The following SPG11 variants were observed in gnomAD, a reference collection of about 807,000 sequenced individuals.
SPG11 encodes the protein SPG11 vesicle trafficking associated, spatacsin.
Under a neutral mutation model 274.0 loss-of-function variants are expected in SPG11, and 222 were observed. That is an observed-to-expected ratio of 0.81 (90% CI 0.73 to 0.91). SPG11 has a LOEUF of 0.91. Among genes scored for constraint, SPG11 ranks in the 40% least tolerant of loss-of-function variants. The probability of loss-of-function intolerance (pLI) is 0.00; values close to 1 mark genes in which losing one functional copy is unlikely to be tolerated. For missense variants in SPG11, 3,114 were observed against 2,872.7 expected (o/e 1.08, Z -1.92); for synonymous variants, 1,144 against 1,039.7 (o/e 1.10, Z -1.93).
chr15:44,587,718 A>AAAAAAAAAAAC (rs1567141736), intron 28 of SPG11, among the ~76,000 whole-genome samples: 4 of 148,638 alleles, frequency 2.7e-5, no homozygotes, highest in African/African-American at 1.0e-4. Context: ...AAAAAAAAAA[A>AAAAAAAAAAAC]AACGTATTCC....
chr15:44,604,130 C>T (rs936758714), intron 20 of SPG11: 11 of 444,178 alleles, frequency 2.5e-5, no homozygotes, highest in Non-Finnish European at 4.9e-5. Context: ...AAGTTCAAAG[C>T]TTATTTCTGA....
chr15:44,634,765 C>T (rs981838944), intron 7 of SPG11, among the ~76,000 whole-genome samples: 5 of 151,806 alleles, frequency 3.3e-5, no homozygotes, highest in Admixed American at 6.6e-5. Flanking sequence ...TTAACAGAAA[C>T]GGGGTTTCAC....
At chr15:44,570,087 C>T (rs2082389401) in intron 34 of SPG11, among the ~76,000 whole-genome samples, 1 of 152,236 alleles carries the variant, frequency 6.6e-6, no homozygotes, top group Non-Finnish European at 1.5e-5. Flanking sequence ...CACCACTACT[C>T]ATGACAGTGG....
intron 7 of SPG11, among the ~76,000 whole-genome samples, chr15:44,641,938 A>AAAAAAAAAAAAAAAAT (rs2084459527): frequency 6.6e-6 from 1 of 151,336 alleles, no homozygotes; most frequent in African/African-American, 2.4e-5. Flanking sequence ...AAAAAAAAAA[A>AAAAAAAAAAAAAAAAT]AAAAAAGGAA....
chr15:44,577,591 C>G (rs1382285163), intron 30 of SPG11, among the ~76,000 whole-genome samples: 9 of 151,904 alleles, frequency 5.9e-5, no homozygotes, highest in African/African-American at 2.2e-4. Context: ...TATTCCCCTG[C>G]TTAAATCCTT....
chr15:44,633,254 C>T (rs1355760910), intron 8 of SPG11, among the ~76,000 whole-genome samples: 2 of 132,922 alleles, frequency 1.5e-5, no homozygotes, highest in Non-Finnish European at 3.1e-5. Context: ...CTGCTTGAGT[C>T]CAGGAGGTGA....
intron 4 of SPG11, among the ~76,000 whole-genome samples, chr15:44,656,784 G>T (rs745933681): frequency 9.9e-5 from 15 of 152,234 alleles, no homozygotes; most frequent in Admixed American, 2.6e-4. Context: ...GAAAATTAGG[G>T]AAATAACATG....
rs766788316 is a variant in SPG11 at position 44,598,844 on chromosome 15, AGAAAG to A, written c.3687-13_3687-9del. 9 of 1,613,658 alleles carry A rather than the reference AGAAAG, an allele frequency of 5.6e-6. No individual in the cohort carries two copies. The East Asian group carries it at 2.0e-4, about 36-fold the overall frequency. ...TTGCCTACTTGCTGGATCCTGAAAA[AGAAAG>A]GAATCAAAATCACATCAGCACATGA... On this transcript the variant is annotated splice_polypyrimidine_tract_variant and intron_variant, in intron 21 of 39. Transcript: ENST00000261866.
chr15:44,572,663 G>C lies in SPG11; in HGVS notation c.6343+20C>G. 1 of 1,613,968 alleles carries C rather than the reference G, an allele frequency of 6.2e-7. No homozygotes were observed. The highest frequency in any genetic ancestry group is 8.5e-7 in the Non-Finnish European group (1 of 1,179,962). Reference sequence around the variant, plus strand: ...ACCTGTTTAGGGCCAAAATATGTAAGAAAAAGGTCAATAACTTACTGCAAG... The same window carrying C: ...ACCTGTTTAGGGCCAAAATATGTAACAAAAAGGTCAATAACTTACTGCAAG... On this transcript the variant is annotated intron_variant, in intron 33 of 39. Coordinates refer to ENST00000261866, the MANE Select transcript of SPG11 (RefSeq NM_025137.4).
intron 11 of SPG11, among the ~76,000 whole-genome samples, chr15:44,625,423 T>C (rs894413731): frequency 6.6e-6 from 1 of 152,020 alleles, no homozygotes; most frequent in Admixed American, 6.6e-5. Context: ...GGGGCGGATT[T>C]CCCCCTTGCT....
intron 21 of SPG11, chr15:44,600,243 A>G (rs2083150966): frequency 2.0e-6 from 1 of 505,002 alleles, no homozygotes. Flanking sequence ...CATGTAAAAC[A>G]TTATACAGAT....
Position 44,608,454 on chromosome 15 carries a change from T to G in SPG11, c.3443A>C (p.His1148Pro). ...SVLPSDITIY[H>P]LIQSLSPFDP... ...ACCTAAATACTGTACCTGAATAAGG[T>G]GGTAGATTGTAATATCAGATGGCAG... The change falls in exon 19 of 40, where the codon CAC becomes CCC. Residue 1148 changes from histidine to proline, a missense_variant. Physicochemically the swap from His to Pro is moderately conservative, Grantham distance 77 (BLOSUM62 -2). Transcript: ENST00000261866. The G allele has an allele frequency of 6.2e-7, 1 of 1,614,048 alleles. No homozygotes were observed.
chr15:44,628,762 A>C lies in SPG11; in HGVS notation c.1974T>G (p.Pro658=). 6.2e-7 allele frequency: 1 copy of C among 1,613,734 alleles called. No individual in the cohort carries two copies. The highest frequency in any genetic ancestry group is 2.2e-5 in the East Asian group (1 of 44,840). Residue 658 remains proline, a synonymous_variant, in exon 10 of 40, where the codon CCT becomes CCG. Coordinates refer to ENST00000261866, the MANE Select transcript of SPG11 (RefSeq NM_025137.4). Reference sequence around the variant, plus strand: ...CATCTATAGCATCTGTTAGCTTCCAAGGAAACTTTATCATGAAGGTTCGAA... The same window carrying C: ...CATCTATAGCATCTGTTAGCTTCCACGGAAACTTTATCATGAAGGTTCGAA... ...NELRTFMIKF[P]WKLTDAIDEY...
At chr15:44,604,472 T>C (rs1384752335) in intron 20 of SPG11, among the ~76,000 whole-genome samples, 1 of 152,174 alleles carries the variant, frequency 6.6e-6, no homozygotes, top group Non-Finnish European at 1.5e-5. Flanking sequence ...TGGGGCTTAG[T>C]GTGGAGACTG....
intron 11 of SPG11, among the ~76,000 whole-genome samples, chr15:44,623,237 C>T (rs1448499884): frequency 6.6e-6 from 1 of 152,150 alleles, no homozygotes; most frequent in Non-Finnish European, 1.5e-5. Flanking sequence ...GCATGAGCCA[C>T]CCTGCCTGGC....
At position 44,577,896 on chromosome 15, in the gene SPG11, A is replaced by G. The variant is rs940073503; in HGVS notation, c.5867-2855T>C. Reference sequence around the variant, plus strand: ...TCTAGTACCAGTTTGAAGAGTGGAAAGGGGAACTCCTAATTCCTGTTCTTC... The same window carrying G: ...TCTAGTACCAGTTTGAAGAGTGGAAGGGGGAACTCCTAATTCCTGTTCTTC... On this transcript the variant is annotated intron_variant, in intron 30 of 39. Transcript: ENST00000261866. 5.6e-4 allele frequency among the ~76,000 whole-genome samples: 85 copies of G among 152,276 alleles called. 1 individual carries two copies. The highest frequency in any genetic ancestry group is 1.1e-3 in the Non-Finnish European group (76 of 68,008).
rs371520578 is a variant in SPG11, at chr15:44,615,343, A to G, written c.3038+20T>C. The G allele has an allele frequency of 2.3e-5, 37 of 1,610,958 alleles. No individual in the cohort carries two copies. Among genetic ancestry groups the G allele is most frequent in the Admixed American group, 3.3e-5 (2 of 60,006 alleles). Reference sequence around the variant, plus strand: ...AAATGTGAAGACCTGCTCAAGGACAAATGCATTCTCAGTACTCACTTGTAA... The same window carrying G: ...AAATGTGAAGACCTGCTCAAGGACAGATGCATTCTCAGTACTCACTTGTAA... On this transcript the variant is annotated intron_variant, in intron 16 of 39. Transcript: ENST00000261866.
intron 20 of SPG11, among the ~76,000 whole-genome samples, chr15:44,601,650 TG>T (rs2083192830): frequency 6.6e-6 from 1 of 151,480 alleles, no homozygotes; most frequent in African/African-American, 2.4e-5. Flanking sequence ...TTCCGCCTCC[TG>T]GGTTCAAGTG....
chr15:44,617,978 C>T (rs111936829), intron 15 of SPG11, among the ~76,000 whole-genome samples: 1 of 151,912 alleles, frequency 6.6e-6, no homozygotes, highest in Non-Finnish European at 1.5e-5. Context: ...GCCCGGCAGA[C>T]CCTCTAATTT....
Sources: allele counts gnomAD v4.1 joint callset (sites outside exome capture counted in the v4.1 genomes callset), GRCh38; gene constraint gnomAD v4.1.1; transcripts MANE v1.5; gene names NCBI Gene and HGNC (gene_info 2026-07-23, HGNC 2026-07-21).